The following USP48 variants were observed in gnomAD, a reference collection of about 807,000 sequenced individuals.
USP48 encodes the protein ubiquitin carboxyl-terminal hydrolase 48.
A neutral mutation model predicts 150.7 loss-of-function variants in USP48; 43 were observed. The ratio of observed to expected loss-of-function variants is 0.29; its 90% CI spans 0.22 to 0.37. The LOEUF is 0.37. Among genes scored for constraint, USP48 ranks in the 10% least tolerant of loss-of-function variants. The pLI is 1.00. For missense variants in USP48, 813 were observed against 1,249.6 expected, an observed-to-expected ratio of 0.65 and a Z score of 5.27; for synonymous variants, 396 against 425.9, an observed-to-expected ratio of 0.93 and a Z score of 0.86.
chr1:21,694,586 A>C (rs2097617323), intron 23 of USP48, among the ~76,000 whole-genome samples: 1 of 130,066 alleles, frequency 7.7e-6, no homozygotes, highest in African/African-American at 2.8e-5. Flanking sequence ...AAAAAAAAAA[A>C]AAAAAAAAAA....
At chr1:21,698,566 T>A (rs1048017015) in intron 22 of USP48, among the ~76,000 whole-genome samples, 2 of 152,134 alleles carry the variant, frequency 1.3e-5, no homozygotes, top group African/African-American at 4.8e-5. Context: ...ACTCTTAGGG[T>A]GAAAAGCAAA....
At chr1:21,705,610 C>CA in intron 19 of USP48, 117 bp downstream of exon 19, 1 of 716,214 alleles carries the variant, frequency 1.4e-6, no homozygotes. Context: ...CACAATTCAG[C>CA]AAAGGACTAA....
intron 1 of USP48, 129 bp downstream of exon 1, chr1:21,782,695 A>T: frequency 7.4e-7 from 1 of 1,350,300 alleles, no homozygotes; most frequent in Middle Eastern, 2.7e-4. Context: ...AAAGGGGGAA[A>T]CTCCACCTCG....
intron 1 of USP48, among the ~76,000 whole-genome samples, chr1:21,770,161 C>CAA (rs34388606): frequency 5.0e-4 from 69 of 136,992 alleles, no homozygotes; most frequent in Middle Eastern, 3.8e-3. Flanking sequence ...CGTCCTCCAC[C>CAA]AAAAAAAAAA....
chr1:21,779,258 A>G (rs2097908557), intron 1 of USP48, among the ~76,000 whole-genome samples: 1 of 152,042 alleles, frequency 6.6e-6, no homozygotes, highest in African/African-American at 2.4e-5. Flanking sequence ...AATAAAAGTT[A>G]AAAGAGCTGG....
intron 11 of USP48, among the ~76,000 whole-genome samples, chr1:21,725,699 G>C (rs941220298): frequency 2.5e-4 from 38 of 151,626 alleles, no homozygotes; most frequent in African/African-American, 9.2e-4. Flanking sequence ...GTTGTGGTGA[G>C]CTGACATTGC....
chr1:21,746,700 A>G (rs945779912), intron 8 of USP48, among the ~76,000 whole-genome samples: 1 of 152,228 alleles, frequency 6.6e-6, no homozygotes, highest in African/African-American at 2.4e-5. Context: ...AACGTTTTTA[A>G]AAAAGTGAAT....
intron 8 of USP48, among the ~76,000 whole-genome samples, chr1:21,746,318 G>A (rs1335740137): frequency 1.3e-5 from 2 of 152,046 alleles, no homozygotes; most frequent in South Asian, 2.1e-4. Flanking sequence ...TGGCCAACAC[G>A]GCAAAACCCT....
intron 1 of USP48, among the ~76,000 whole-genome samples, chr1:21,764,630 C>T (rs1410033825): frequency 2.0e-5 from 3 of 147,776 alleles, no homozygotes; most frequent in African/African-American, 5.1e-5. Flanking sequence ...TGCTTGAACC[C>T]GGGAGGCGGA....
At chr1:21,776,495 G>A (rs1380520806) in intron 1 of USP48, among the ~76,000 whole-genome samples, 1 of 150,534 alleles carries the variant, frequency 6.6e-6, no homozygotes, top group African/African-American at 2.4e-5. Flanking sequence ...AGGCTGAGGA[G>A]GGAGGACTGC....
At chr1:21,680,614 G>C (rs1446941802) in intron 26 of USP48, among the ~76,000 whole-genome samples, 194 bp downstream of exon 26, 1 of 152,222 alleles carries the variant, frequency 6.6e-6, no homozygotes. Context: ...CCCCAGCTGA[G>C]GCCCCATTTG....
chr1:21,690,231 A>G, intron 23 of USP48, 132 bp from the exon 24 acceptor site: 1 of 1,064,866 alleles, frequency 9.4e-7, no homozygotes, highest in Non-Finnish European at 1.3e-6. Flanking sequence ...TATTGTTTAC[A>G]GTCAGCCTAC....
chr1:21,780,735 A>G (rs1344656787), intron 1 of USP48, among the ~76,000 whole-genome samples: 1 of 143,754 alleles, frequency 7.0e-6, no homozygotes. Context: ...CCAAGATAAG[A>G]TAATTTTTTT....
chr1:21,768,506 T>G (rs1048313705), intron 1 of USP48: 2 of 152,256 alleles, frequency 1.3e-5, no homozygotes, highest in African/African-American at 4.8e-5. Flanking sequence ...TTTCCAAGAA[T>G]TGCTTAATCT....
chr1:21,721,017 C>T lies in USP48; in HGVS notation c.1894+19G>A. The T allele has an allele frequency of 6.2e-7, 1 of 1,613,624 alleles. No individual in the cohort carries two copies. Among genetic ancestry groups the T allele is most frequent in the South Asian group, 1.1e-5 (1 of 90,972 alleles). ...TGGTATAGTTTCACAATGATCTACA[C>T]ATAGGTTTAAAGTGTTACCTTTATT... On this transcript the variant is annotated intron_variant, in intron 14 of 26. Coordinates refer to ENST00000308271, the MANE Select transcript of USP48 (RefSeq NM_032236.8).
intron 24 of USP48, 66 bp downstream of exon 24, chr1:21,689,908 C>G (rs1428137726): frequency 1.3e-6 from 2 of 1,574,036 alleles, no homozygotes; most frequent in Admixed American, 1.8e-5. Context: ...CCATTTCACA[C>G]AGTTTACACA....
chr1:21,779,485 G>A (rs1364899576), intron 1 of USP48, among the ~76,000 whole-genome samples: 1 of 151,960 alleles, frequency 6.6e-6, no homozygotes, highest in East Asian at 1.9e-4. Flanking sequence ...GGCAGAGGTT[G>A]CAGTGAGCCG....
intron 8 of USP48, among the ~76,000 whole-genome samples, chr1:21,744,554 T>C (rs1179055780): frequency 6.6e-6 from 1 of 151,434 alleles, no homozygotes; most frequent in East Asian, 1.9e-4. Context: ...GGCGGGCAGA[T>C]CACTTGAGGT....
intron 15 of USP48, among the ~76,000 whole-genome samples, chr1:21,709,712 G>A (rs2097685293): frequency 6.6e-6 from 1 of 152,142 alleles, no homozygotes; most frequent in Non-Finnish European, 1.5e-5. Flanking sequence ...CACTGTGGGT[G>A]CACGGCTTCA....
Sources: allele counts gnomAD v4.1 joint callset (sites outside exome capture counted in the v4.1 genomes callset), GRCh38; gene constraint gnomAD v4.1.1; transcripts MANE v1.5; gene names NCBI Gene and HGNC (gene_info 2026-07-23, HGNC 2026-07-21).